EPB41L4A: variants seen among roughly 807,000 people sequenced by gnomAD.
EPB41L4A encodes the protein erythrocyte membrane protein band 4.1 like 4A.
EPB41L4A carries 100 observed loss-of-function variants against 108.6 expected under a neutral mutation model. The observed-to-expected ratio is 0.92, with a 90% confidence interval of 0.78 to 1.09. EPB41L4A has a LOEUF of 1.09. EPB41L4A is among the 50% of genes least tolerant of loss of function. EPB41L4A has a pLI of 0.00. For missense variants in EPB41L4A, 1,030 were observed against 842.7 expected (o/e 1.22, Z -2.75); for synonymous variants, 319 against 289.0 (o/e 1.10, Z -1.05).
At chr5:112,355,358 A>G (rs1014668957) in intron 1 of EPB41L4A, among the ~76,000 whole-genome samples, 2 of 152,238 alleles carry the variant, frequency 1.3e-5, no homozygotes, top group Admixed American at 6.5e-5. Context: ...ATAATTTTTT[A>G]AATTAAGTAT....
chr5:112,388,313 A>C (rs1274938820), intron 1 of EPB41L4A, among the ~76,000 whole-genome samples: 1 of 152,198 alleles, frequency 6.6e-6, no homozygotes, highest in Non-Finnish European at 1.5e-5. Context: ...CTTTAAAGGA[A>C]GTGCGGTGAG....
At chr5:112,141,963 T>C (rs566435203), downstream of EPB41L4A, among the ~76,000 whole-genome samples, 1 of 152,310 alleles carries the variant, frequency 6.6e-6, no homozygotes, top group Admixed American at 6.5e-5. Flanking sequence ...GAAGAATAAA[T>C]GTAACACTCA....
At chr5:112,250,101 A>G (rs1750554876) in intron 9 of EPB41L4A, among the ~76,000 whole-genome samples, 1 of 152,176 alleles carries the variant, frequency 6.6e-6, no homozygotes, top group South Asian at 2.1e-4. Flanking sequence ...ATTTCAGCTC[A>G]GCAATTGAAG....
At chr5:112,313,313 T>G (rs1755167823) in intron 1 of EPB41L4A, among the ~76,000 whole-genome samples, 1 of 152,082 alleles carries the variant, frequency 6.6e-6, no homozygotes, top group Admixed American at 6.5e-5. Flanking sequence ...TTTTGTAGGG[T>G]GGGCGCGGTG....
chr5:112,161,541 GTAAAT>G (rs1561436766), downstream of EPB41L4A: 4 of 519,232 alleles, frequency 7.7e-6, no homozygotes, highest in East Asian at 5.5e-5. Flanking sequence ...CAAAAAAGGC[GTAAAT>G]TAAACGCTTT....
intron 15 of EPB41L4A, among the ~76,000 whole-genome samples, chr5:112,203,162 C>T (rs557693236): frequency 2.4e-4 from 37 of 152,030 alleles, no homozygotes; most frequent in Non-Finnish European, 4.6e-4. Flanking sequence ...GTCAGGAGTT[C>T]GAGACCAACG....
At chr5:112,275,481 TTTACAA>T (rs1309186894) in intron 3 of EPB41L4A, 77 bp from the exon 4 acceptor site, 6 of 1,387,652 alleles carry the variant, frequency 4.3e-6, no homozygotes, top group Non-Finnish European at 5.8e-6. Context: ...TATACAGCTA[TTTACAA>T]TTACACTCCA....
At chr5:112,324,689 T>G (rs956437665) in intron 1 of EPB41L4A, among the ~76,000 whole-genome samples, 5 of 140,978 alleles carry the variant, frequency 3.5e-5, no homozygotes, top group African/African-American at 5.4e-5. Context: ...ACCACTGCAC[T>G]CCATCCTGGG....
intron 17 of EPB41L4A, among the ~76,000 whole-genome samples, chr5:112,187,810 C>T (rs1761500931): frequency 6.6e-6 from 1 of 152,162 alleles, no homozygotes; most frequent in Admixed American, 6.5e-5. Flanking sequence ...AATGCTGAAT[C>T]TAAGAAGTCT....
chr5:112,357,557 A>G (rs1758442640), intron 1 of EPB41L4A, among the ~76,000 whole-genome samples: 1 of 152,202 alleles, frequency 6.6e-6, no homozygotes, highest in Non-Finnish European at 1.5e-5. Context: ...AGGTTTGTAT[A>G]ATGTCTGGTA....
At chr5:112,314,535 A>G (rs914483798) in intron 1 of EPB41L4A, among the ~76,000 whole-genome samples, 10 of 128,770 alleles carry the variant, frequency 7.8e-5, no homozygotes, top group South Asian at 2.3e-4. Flanking sequence ...AAAAAAAAAA[A>G]AAAGAAAAGA....
intron 9 of EPB41L4A, among the ~76,000 whole-genome samples, chr5:112,250,287 C>G (rs1018747863): frequency 1.2e-4 from 18 of 152,098 alleles, no homozygotes; most frequent in Non-Finnish European, 2.4e-4. Flanking sequence ...TAATTACATA[C>G]AAATATTTAC....
Position 112,292,359 on chromosome 5 carries a change from G to C in EPB41L4A, c.205-12036C>G, listed in dbSNP as rs181499772. ...GAATATCCTCTATAAAATATCCTGC[G>C]GCCTCCAATACTGATGGGTATCATG... On this transcript the variant is annotated intron_variant, in intron 2 of 22. Transcript: ENST00000261486. Among the ~76,000 whole-genome samples, 324 of 152,124 alleles carry C rather than the reference G, an allele frequency of 2.1e-3. 4 individuals are homozygous for C. Among genetic ancestry groups the C allele is most frequent in the Non-Finnish European group, 1.2e-3 (83 of 68,002 alleles).
At position 112,205,421 on chromosome 5, in the gene EPB41L4A, C is replaced by G; in HGVS notation, c.1262G>C (p.Ser421Thr). ...HAPWEENGPQ[S>T]GLYNSPSDRT... is the part of the protein sequence containing the mutation. ...TTATAAAAACAATGATTCCCTTTACCTCTGGGGGCCATTTTCTTCCCACGG... is the reference window on the plus strand; with the variant it reads ...TTATAAAAACAATGATTCCCTTTACGTCTGGGGGCCATTTTCTTCCCACGG... Residue 421 changes from serine to threonine, a missense_variant and splice_region_variant, in exon 14 of 23, where the codon AGT becomes ACT. Physicochemically the swap from Ser to Thr is moderately conservative, Grantham distance 58. Coordinates refer to ENST00000261486, the MANE Select transcript of EPB41L4A (RefSeq NM_022140.5). The G allele has an allele frequency of 6.2e-7, 1 of 1,612,424 alleles. No individual in the cohort carries two copies. Among genetic ancestry groups the G allele is most frequent in the Non-Finnish European group, 8.5e-7 (1 of 1,178,498 alleles).
chr5:112,411,113 T>C (rs1287866076), intron 1 of EPB41L4A, among the ~76,000 whole-genome samples: 1 of 152,158 alleles, frequency 6.6e-6, no homozygotes, highest in East Asian at 1.9e-4. Flanking sequence ...TGTGAGATCA[T>C]TCATCAAACT....
At chr5:112,327,885 T>G (rs994524227) in intron 1 of EPB41L4A, among the ~76,000 whole-genome samples, 1 of 152,210 alleles carries the variant, frequency 6.6e-6, no homozygotes, top group Admixed American at 6.5e-5. Context: ...ATTCTTCATG[T>G]TCACTGCAGT....
chr5:112,178,459 C>T (rs1047169350), intron 18 of EPB41L4A, among the ~76,000 whole-genome samples: 14 of 152,042 alleles, frequency 9.2e-5, no homozygotes, highest in South Asian at 6.2e-4. Context: ...TGCATCTATT[C>T]GACAACCAGT....
In EPB41L4A at chr5:112,210,002, A is replaced by C. The variant is rs762150345; in HGVS notation, c.1088-20T>G. ...TTGATTCTAGCAGAGGAGGAGAAGG[A>C]AAGATGGAAGAGAGAGGAAACAGTG... On this transcript the variant is annotated intron_variant, in intron 12 of 22. Coordinates refer to ENST00000261486, the MANE Select transcript of EPB41L4A (RefSeq NM_022140.5). The C allele has an allele frequency of 1.4e-6, 2 of 1,412,286 alleles. No individual in the cohort carries two copies. The highest frequency in any genetic ancestry group is 2.0e-6 in the Non-Finnish European group (2 of 1,008,170). The allele number at this position is 1,412,286 out of a possible 1,614,324, so 87.5% of individuals were successfully genotyped here. A position where few individuals can be genotyped will look rare whatever the true frequency, so the allele number is the denominator to read the frequency against.
chr5:112,231,319 G>C lies in EPB41L4A; in HGVS notation c.1087+3315C>G, dbSNP rs114109654. On this transcript the variant is annotated intron_variant, in intron 12 of 22. Transcript: ENST00000261486. The stretch of plus-strand genomic sequence containing the variant: ...ATGATTGTACCACTTGTGTGAAAAA[G>C]ATATACAATTGACCAAAAGGCTGTA... Among the ~76,000 whole-genome samples the C allele has an allele frequency of 5.7e-3, 863 of 152,256 alleles. 7 individuals are homozygous for C. The highest frequency in any genetic ancestry group is 0.02 in the African/African-American group (812 of 41,538).
Sources: gnomAD v4.1 joint callset for allele counts (sites outside exome capture counted in the v4.1 genomes callset) on GRCh38, gnomAD v4.1.1 for gene constraint, MANE v1.5 for transcripts, NCBI Gene and HGNC (gene_info 2026-07-23, HGNC 2026-07-21) for gene names.